UNC45B: variants seen among roughly 807,000 people sequenced by gnomAD.
UNC45B encodes protein unc-45 homolog B.
In UNC45B, 78 loss-of-function variants were observed where a neutral mutation model predicts 98.7. That is an observed-to-expected ratio of 0.79 (90% CI 0.66 to 0.95). The LOEUF (loss-of-function observed/expected upper bound fraction) is 0.95. Among genes scored for constraint, UNC45B ranks in the 40% least tolerant of loss-of-function variants. The probability of loss-of-function intolerance (pLI) is 0.00; values close to 1 mark genes in which losing one functional copy is unlikely to be tolerated. For synonymous variants in UNC45B, 462 were observed against 480.4 expected, an observed-to-expected ratio of 0.96 and a Z score of 0.50; for missense variants, 1,225 against 1,184.9, an observed-to-expected ratio of 1.03 and a Z score of -0.50.
In UNC45B at chr17:35,171,348, G is replaced by T; in HGVS notation, c.1716G>T (p.Ser572=). 1.2e-6 allele frequency: 2 copies of T among 1,614,098 alleles called. No homozygotes were observed. The highest frequency in any genetic ancestry group is 1.7e-6 in the Non-Finnish European group (2 of 1,180,004). ...CCAGTGACAAGACCATCCTGTACTC[G>T]GTGGCCACCACCCTGGTGAACTGCA... The part of the protein sequence containing the change: ...AKTSDKTILY[S]VATTLVNCTN... The change falls in exon 13 of 20, where the codon TCG becomes TCT. Residue 572 remains serine (S), a synonymous_variant. Transcript: ENST00000394570.
Position 35,150,322 on chromosome 17 carries a change from C to T in UNC45B, c.381+99C>T, listed in dbSNP as rs1423370778. The T allele has an allele frequency of 9.0e-6, 12 of 1,327,194 alleles. No individual in the cohort carries two copies. In the Admixed American group the frequency reaches 2.8e-4, roughly 32 times the overall value. The allele number at this position is 1,327,194 out of a possible 1,614,324, so 82.2% of individuals were successfully genotyped here. ...AGGTGGGTCATCAGGGCAGGGCTAG[C>T]CCTACCTCCACACTCTGAGATAGAG... On this transcript the variant is annotated intron_variant, in intron 4 of 19. Transcript: ENST00000394570.
intron 10 of UNC45B, among the ~76,000 whole-genome samples, chr17:35,169,469 T>C (rs1350231645): frequency 6.6e-6 from 1 of 152,218 alleles, no homozygotes. Flanking sequence ...ATCCAGAAGA[T>C]AGGATTTCTC....
intron 7 of UNC45B, among the ~76,000 whole-genome samples, chr17:35,156,515 A>G (rs2092062877): frequency 6.6e-6 from 1 of 152,174 alleles, no homozygotes; most frequent in East Asian, 1.9e-4. Context: ...AATCCCAGCT[A>G]CTTGGGAGGC....
At chr17:35,183,718 C>A (rs927527343) in intron 19 of UNC45B, 136 bp downstream of exon 19, 3 of 979,504 alleles carry the variant, frequency 3.1e-6, no homozygotes, top group African/African-American at 3.3e-5. Flanking sequence ...TCTGTTCCTA[C>A]TGCCTAAGGA....
intron 1 of UNC45B, 68 bp from the exon 2 acceptor site, chr17:35,148,196 A>G (rs1023201647): frequency 1.1e-5 from 18 of 1,577,972 alleles, no homozygotes; most frequent in African/African-American, 5.4e-5. Flanking sequence ...TCCGGACCTC[A>G]GGCCAGGAGC....
Position 35,164,162 on chromosome 17 carries a change from A to G in UNC45B, c.1147A>G (p.Ile383Val), listed in dbSNP as rs147497902. Reference protein sequence around the residue: ...DHFRKICEEYITGKFDPQDMD... With the variant: ...DHFRKICEEYVTGKFDPQDMD... The stretch of plus-strand genomic sequence containing the variant: ...CTTCCGCAAGATCTGTGAGGAATAT[A>G]TCACGTAAGTTTCCTGGAGGCCTCA... The change falls in exon 9 of 20, where the codon ATC becomes GTC. Residue 383 changes from isoleucine to valine, a missense_variant. Ile to Val is a conservative substitution (Grantham distance 29, BLOSUM62 3). Transcript: ENST00000394570. The G allele has an allele frequency of 6.0e-5, 97 of 1,608,250 alleles. No homozygotes were observed. In the East Asian group the frequency reaches 1.7e-3, roughly 28 times the overall value.
intron 1 of UNC45B, 96 bp from the exon 2 acceptor site, chr17:35,148,168 G>A: frequency 7.1e-7 from 1 of 1,405,692 alleles, no homozygotes; most frequent in Non-Finnish European, 9.8e-7. Flanking sequence ...CCTCTCTGGT[G>A]TGAGGGGACC....
intron 7 of UNC45B, among the ~76,000 whole-genome samples, chr17:35,158,697 C>T (rs1305970403): frequency 1.3e-5 from 2 of 152,246 alleles, no homozygotes; most frequent in African/African-American, 4.8e-5. Flanking sequence ...TCATGACATG[C>T]CTCTGTCTGA....
At chr17:35,177,164 G>A (rs1567767406) in intron 16 of UNC45B, 34 bp downstream of exon 16, 1 of 1,575,566 alleles carries the variant, frequency 6.3e-7, no homozygotes, top group Non-Finnish European at 8.7e-7. Context: ...AGGGCAATGG[G>A]AGGGGTCTCC....
Position 35,148,366 on chromosome 17 carries a change from C to T in UNC45B, c.103C>T (p.Leu35=). 2.5e-6 allele frequency: 4 copies of T among 1,614,160 alleles called. No individual in the cohort carries two copies. The highest frequency in any genetic ancestry group is 3.4e-6 in the Non-Finnish European group (4 of 1,180,030). ...ATNSYSQALK[L]TKDKALLATL... ...AAATAGCTACAGCCAGGCCCTGAAG[C>T]TGACCAAGGACAAGGCCCTGCTGGC... The change falls in exon 2 of 20, where the codon CTG becomes TTG. Residue 35 remains leucine (L), a synonymous_variant. Transcript: ENST00000394570.
In UNC45B at chr17:35,180,688, G is replaced by T; in HGVS notation, c.2373+12G>T. On this transcript the variant is annotated intron_variant, in intron 18 of 19. Transcript: ENST00000394570. ...TGCTCCACAAGGAGGTGAGGCAGGGGCTCAGGATGGAGACCCGGGCGTGAT... is the reference window on the plus strand; with the variant it reads ...TGCTCCACAAGGAGGTGAGGCAGGGTCTCAGGATGGAGACCCGGGCGTGAT... 6.2e-7 allele frequency: 1 copy of T among 1,605,462 alleles called. No homozygotes were observed. The highest frequency in any genetic ancestry group is 1.1e-5 in the South Asian group (1 of 90,630).
intron 15 of UNC45B, among the ~76,000 whole-genome samples, 171 bp downstream of exon 15, chr17:35,176,205 G>C (rs1186842721): frequency 7.2e-5 from 11 of 152,016 alleles, no homozygotes; most frequent in Non-Finnish European, 1.6e-4. Flanking sequence ...ATGCTATGAT[G>C]GTATGTACTT....
At chr17:35,163,005 G>A (rs1457745425) in intron 8 of UNC45B, among the ~76,000 whole-genome samples, 3 of 152,194 alleles carry the variant, frequency 2.0e-5, no homozygotes, top group East Asian at 1.9e-4. Context: ...GAAATCAGAC[G>A]GGATTGGGAG....
chr17:35,148,552 G>T, intron 2 of UNC45B, 121 bp downstream of exon 2: 1 of 1,204,196 alleles, frequency 8.3e-7, no homozygotes, highest in Non-Finnish European at 1.1e-6. Context: ...GGATGCCTGG[G>T]GTTGGAGAAG....
chr17:35,181,661 G>A (rs1224951579), intron 18 of UNC45B, among the ~76,000 whole-genome samples: 1 of 151,948 alleles, frequency 6.6e-6, no homozygotes, highest in Non-Finnish European at 1.5e-5. Context: ...CATGGTGGTG[G>A]GTGCTTGTAA....
At chr17:35,165,880 A>G (rs1192352562) in intron 9 of UNC45B, among the ~76,000 whole-genome samples, 3 of 151,972 alleles carry the variant, frequency 2.0e-5, no homozygotes, top group Non-Finnish European at 4.4e-5. Flanking sequence ...TAGAGGTTGT[A>G]GTGAGCCAAG....
At chr17:35,163,446 G>A (rs1201006376) in intron 8 of UNC45B, among the ~76,000 whole-genome samples, 2 of 152,176 alleles carry the variant, frequency 1.3e-5, no homozygotes, top group African/African-American at 2.4e-5. Context: ...TTCAACAGAA[G>A]AGATGAGAAG....
chr17:35,166,102 A>AAAAAAC (rs2092138245), intron 9 of UNC45B, among the ~76,000 whole-genome samples: 1 of 148,584 alleles, frequency 6.7e-6, no homozygotes, highest in Admixed American at 6.7e-5. Context: ...AAAAAAAAAA[A>AAAAAAC]AAAAAAAAAT....
chr17:35,181,856 C>T (rs1311950197), intron 18 of UNC45B, among the ~76,000 whole-genome samples: 2 of 149,908 alleles, frequency 1.3e-5, no homozygotes, highest in Non-Finnish European at 3.0e-5. Context: ...TACCAGGGAA[C>T]TGGCCTAAGG....
Sources: gnomAD v4.1 joint callset for allele counts (sites outside exome capture counted in the v4.1 genomes callset) on GRCh38, gnomAD v4.1.1 for gene constraint, MANE v1.5 for transcripts, NCBI Gene and HGNC (gene_info 2026-07-23, HGNC 2026-07-21) for gene names.